ADCY6: variants seen among roughly 807,000 people sequenced by gnomAD.
The protein encoded by ADCY6 is adenylate cyclase 6.
A neutral mutation model predicts 111.6 loss-of-function variants in ADCY6; 59 were observed. The ratio of observed to expected loss-of-function variants is 0.53; its 90% CI spans 0.43 to 0.66. The LOEUF (loss-of-function observed/expected upper bound fraction) is 0.66. Among genes scored for constraint, ADCY6 ranks in the 30% least tolerant of loss-of-function variants. The pLI is 0.00. For synonymous variants in ADCY6, 576 were observed against 642.9 expected (o/e 0.90, Z 1.57); for missense variants, 1,242 against 1,595.6 (o/e 0.78, Z 3.78).
Position 48,776,101 on chromosome 12 carries a change from C to G in ADCY6, c.1678-10G>C, listed in dbSNP as rs774840911. ...TGGCCTTCTCCTCTTTCTGTGCGGG[C>G]AGCATGGGTACAGGCTCAGAAGAGG... is the stretch of plus-strand genomic sequence containing the variant. On this transcript the variant is annotated splice_polypyrimidine_tract_variant and intron_variant, in intron 8 of 21. Coordinates refer to ENST00000357869, the MANE Select transcript of ADCY6 (RefSeq NM_015270.5). This position sits in a 1 kb window ranked among gnomAD's most constrained non-coding sequence, Gnocchi z 6.1. 1.9e-6 allele frequency: 3 copies of G among 1,613,808 alleles called. No individual in the cohort carries two copies. In the South Asian group the frequency reaches 3.3e-5, roughly 18 times the overall value.
chr12:48,777,570 T>G lies in ADCY6; in HGVS notation c.1136+45A>C, dbSNP rs761396178. On this transcript the variant is annotated intron_variant, in intron 4 of 21. Coordinates refer to ENST00000357869, the MANE Select transcript of ADCY6 (RefSeq NM_015270.5). The surrounding 1 kb of genome is among the most constrained non-coding windows in gnomAD (Gnocchi z 4.9). ...ACAGAACACATAGCCCTCAAAGACT[T>G]CCAGACCCCCCGCCCTGCTGGGCAT... The G allele has an allele frequency of 4.3e-6, 7 of 1,612,786 alleles. No individual in the cohort carries two copies. Among genetic ancestry groups the G allele is most frequent in the Middle Eastern group, 1.7e-4 (1 of 6,056 alleles).
chr12:48,774,657 C>T (rs1941645372), intron 13 of ADCY6, 34 bp downstream of exon 13: 1 of 1,605,204 alleles, frequency 6.2e-7, no homozygotes, highest in Non-Finnish European at 8.5e-7. Context: ...TCCAGCCTGC[C>T]CTCCCCAACA....
intron 14 of ADCY6, 23 bp downstream of exon 14, chr12:48,774,379 G>T: frequency 1.3e-6 from 2 of 1,588,244 alleles, no homozygotes; most frequent in South Asian, 2.2e-5. Flanking sequence ...GCAGAGGTGG[G>T]AGAATTCCCA....
chr12:48,774,343 G>A, intron 14 of ADCY6, 59 bp downstream of exon 14: 5 of 1,485,730 alleles, frequency 3.4e-6, no homozygotes, highest in Non-Finnish European at 4.7e-6. Flanking sequence ...TGTACTCCCA[G>A]TGTCCAGGAC....
At position 48,771,048 on chromosome 12, in the gene ADCY6, C is replaced by T. The variant is rs962867524; in HGVS notation, c.3052-78G>A. 27 of 1,436,858 alleles carry T rather than the reference C, an allele frequency of 1.9e-5. No homozygotes were observed. The highest frequency in any genetic ancestry group is 1.9e-4 in the Middle Eastern group (1 of 5,316). 89.0% of individuals were successfully genotyped at this position (1,436,858 alleles called of 1,614,324 possible). On this transcript the variant is annotated intron_variant, in intron 19 of 21. Transcript: ENST00000357869. The surrounding 1 kb of genome is among the most constrained non-coding windows in gnomAD (Gnocchi z 4.3). Reference sequence around the variant, plus strand: ...CTGCCCCAACACTCATTTCTTGCCACGCCTTGGCTGCCTTCCCCACTTCCC... The same window carrying T: ...CTGCCCCAACACTCATTTCTTGCCATGCCTTGGCTGCCTTCCCCACTTCCC...
intron 1 of ADCY6, among the ~76,000 whole-genome samples, chr12:48,787,458 T>C (rs1941999775): frequency 6.6e-6 from 1 of 152,154 alleles, no homozygotes; most frequent in African/African-American, 2.4e-5. Flanking sequence ...TCCAACCAAC[T>C]GCAACCATCC....
chr12:48,783,253 G>C lies in ADCY6; in HGVS notation c.182C>G (p.Pro61Arg), dbSNP rs575877000. Reference sequence around the variant, plus strand: ...GGCGTCATCCTGCCAGGGGCACCGAGGGGGGCCCGCAGGGGTGGGGCTGGG... The same window carrying C: ...GGCGTCATCCTGCCAGGGGCACCGACGGGGGCCCGCAGGGGTGGGGCTGGG... ...EPPSPTPAGPPRCPWQDDAFI... is the reference protein window; with the variant it reads ...EPPSPTPAGPRRCPWQDDAFI... The change falls in exon 2 of 22, where the codon CCT becomes CGT. Residue 61 changes from proline (P) to arginine (R), a missense_variant. This residue lies in a region of ADCY6 where 362 missense variants were observed against 377.2 expected (regional missense o/e 0.96). Coordinates refer to ENST00000357869, the MANE Select transcript of ADCY6 (RefSeq NM_015270.5). The C allele has an allele frequency of 5.6e-6, 9 of 1,610,390 alleles. No homozygotes were observed. The East Asian group carries it at 2.0e-4, about 36-fold the overall frequency.
Position 48,774,771 on chromosome 12 carries a change from G to A in ADCY6, c.2086C>T (p.Leu696=), listed in dbSNP as rs762510361. Residue 696 remains leucine (L), a synonymous_variant, in exon 13 of 22, where the codon CTG becomes TTG. Transcript: ENST00000357869. ...ATGCTGGCATAGATCCCAAGCATCA[G>A]GGTGGAGCTGGGGCAGAACAGGGCC... is the stretch of plus-strand genomic sequence containing the variant. ...IQLLIFPHST[L]MLGIYASIFL... is the part of the protein sequence containing the mutation. 56 of 1,613,978 alleles carry A rather than the reference G, an allele frequency of 3.5e-5. No homozygotes were observed. The highest frequency in any genetic ancestry group is 4.5e-5 in the Non-Finnish European group (53 of 1,179,986).
chr12:48,783,052 G>C lies in ADCY6; in HGVS notation c.383C>G (p.Ser128Trp), dbSNP rs550377203. Residue 128 changes from serine to tryptophan, a missense_variant, in exon 2 of 22, where the codon TCG becomes TGG. Coordinates refer to ENST00000357869, the MANE Select transcript of ADCY6 (RefSeq NM_015270.5). The part of the protein sequence containing the change: ...CWRRLVQVFQ[S>W]KQFRSAKLER... ...CAGCTTGGCCGAACGGAACTGCTTC[G>C]ACTGGAACACCTGCACCAGACGGCG... 4 of 1,613,322 alleles carry C rather than the reference G, an allele frequency of 2.5e-6. No individual in the cohort carries two copies. The highest frequency in any genetic ancestry group is 3.4e-6 in the Non-Finnish European group (4 of 1,179,828).
Position 48,782,474 on chromosome 12 carries a change from A to G in ADCY6, c.864+97T>C, listed in dbSNP as rs1941867338. On this transcript the variant is annotated intron_variant, in intron 2 of 21. Transcript: ENST00000357869. The surrounding 1 kb of genome is among the most constrained non-coding windows in gnomAD (Gnocchi z 4.3). ...ACATCCCTGCACCCAGCTTCCACCC[A>G]TGACTCACCCGCCCTTCCTCACTAA... is the stretch of plus-strand genomic sequence containing the variant. The G allele has an allele frequency of 6.7e-7, 1 of 1,482,380 alleles. No homozygotes were observed. Among genetic ancestry groups the G allele is most frequent in the Non-Finnish European group, 9.0e-7 (1 of 1,115,310 alleles). The allele number at this position is 1,482,380 out of a possible 1,614,324, so 91.8% of individuals were successfully genotyped here.
chr12:48,781,433 G>C (rs1941842066), intron 2 of ADCY6, among the ~76,000 whole-genome samples: 1 of 152,188 alleles, frequency 6.6e-6, no homozygotes, highest in Non-Finnish European at 1.5e-5. Context: ...CTGATGGCGG[G>C]GCTGTGCCTA....
intron 10 of ADCY6, 86 bp downstream of exon 10, chr12:48,775,587 A>C: frequency 6.3e-7 from 1 of 1,581,562 alleles, no homozygotes; most frequent in Non-Finnish European, 8.7e-7. Context: ...CAACACTCCT[A>C]AGGTCAGGGA....
At chr12:48,772,576 G>A in intron 16 of ADCY6, 33 bp from the exon 17 acceptor site, 1 of 1,613,702 alleles carries the variant, frequency 6.2e-7, no homozygotes, top group South Asian at 1.1e-5. Flanking sequence ...AAAGTCATCA[G>A]TGCTTCCTGG....
chr12:48,788,056 T>G (rs1462788098), intron 1 of ADCY6, among the ~76,000 whole-genome samples: 1 of 152,176 alleles, frequency 6.6e-6, no homozygotes, highest in East Asian at 1.9e-4. Context: ...TAAGAGGCAC[T>G]GCCCAGGCGG....
In ADCY6 at chr12:48,771,243, A is replaced by T; in HGVS notation, c.3052-273T>A. On this transcript the variant is annotated intron_variant, in intron 19 of 21. Coordinates refer to ENST00000357869, the MANE Select transcript of ADCY6 (RefSeq NM_015270.5). The surrounding 1 kb of genome is among the most constrained non-coding windows in gnomAD (Gnocchi z 4.3). ...AAGTGCAATATTAAGCAATTTCTCC[A>T]ATCCTTACCTTTTGGGATACTGAGT... 1 of 528,756 alleles carries T rather than the reference A, an allele frequency of 1.9e-6. No homozygotes were observed. Among genetic ancestry groups the T allele is most frequent in the Admixed American group, 3.2e-5 (1 of 31,230 alleles). The allele number at this position is 528,756 out of a possible 1,614,324, so 32.8% of individuals were successfully genotyped here. A position where few individuals can be genotyped will look rare whatever the true frequency, so the allele number is the denominator to read the frequency against.
Position 48,777,091 on chromosome 12 carries a change from G to C in ADCY6, c.1376+13C>G, listed in dbSNP as rs575944087. On this transcript the variant is annotated intron_variant, in intron 6 of 21. Transcript: ENST00000357869. This position sits in a 1 kb window ranked among gnomAD's most constrained non-coding sequence, Gnocchi z 4.9. ...CGCAATTCCAGGAAGCCTAGGAATG[G>C]GGCACTGCTTACGAGATGGCCTCAA... 1 of 1,579,420 alleles carries C rather than the reference G, an allele frequency of 6.3e-7. No homozygotes were observed. The highest frequency in any genetic ancestry group is 1.8e-5 in the Admixed American group (1 of 55,382).
Position 48,768,588 on chromosome 12 carries a change from C to G in ADCY6, c.*3G>C, listed in dbSNP as rs1304667620. The G allele has an allele frequency of 6.2e-7, 1 of 1,614,140 alleles. No homozygotes were observed. ...CTTCAGCTGAATTTGTGGCTGGGCC[C>G]TGTTAACTGCTGGGGCCCCCATTGA... On this transcript the variant is annotated 3_prime_UTR_variant, in exon 22 of 22. Coordinates refer to ENST00000357869, the MANE Select transcript of ADCY6 (RefSeq NM_015270.5).
intron 1 of ADCY6, among the ~76,000 whole-genome samples, chr12:48,784,666 T>C (rs945626105): frequency 2.4e-5 from 2 of 82,998 alleles, no homozygotes; most frequent in Admixed American, 2.3e-4. Flanking sequence ...AAATCTGGAG[T>C]TTTTTTTTTT....
intron 1 of ADCY6, among the ~76,000 whole-genome samples, chr12:48,784,794 G>C (rs1468612650): frequency 6.8e-6 from 1 of 147,956 alleles, no homozygotes. Flanking sequence ...CTCCCAAATA[G>C]CTGGGACTAC....
Sources: gnomAD v4.1 joint callset for allele counts (sites outside exome capture counted in the v4.1 genomes callset) on GRCh38, gnomAD v4.1.1 for gene constraint, gnomAD v4.1.1 regional missense constraint, Gnocchi (gnomAD v3.1) non-coding constraint, MANE v1.5 for transcripts, NCBI Gene and HGNC (gene_info 2026-07-23, HGNC 2026-07-21) for gene names.